VDR: variants seen among roughly 807,000 people sequenced by gnomAD.
VDR encodes vitamin D3 receptor.
In VDR, 19 loss-of-function variants were observed where a neutral mutation model predicts 39.7. That is an observed-to-expected ratio of 0.48 (90% CI 0.33 to 0.70). The LOEUF is 0.70. Ranked by LOEUF, VDR falls within the 30% of genes least tolerant of loss-of-function variation. The pLI, the probability that VDR is intolerant of heterozygous loss-of-function variation, is 0.02. For missense variants in VDR, 442 were observed against 570.5 expected, an observed-to-expected ratio of 0.77 and a Z score of 2.29; for synonymous variants, 242 against 215.8, an observed-to-expected ratio of 1.12 and a Z score of -1.07.
intron 9 of VDR, among the ~76,000 whole-genome samples, chr12:47,845,683 A>G (rs186188253): frequency 2.0e-5 from 3 of 152,280 alleles, no homozygotes; most frequent in Admixed American, 6.5e-5. Context: ...AATGAATGAG[A>G]GAAGGCTGGC....
chr12:47,846,117 G>T (rs1277886748), intron 9 of VDR, among the ~76,000 whole-genome samples: 1 of 152,174 alleles, frequency 6.6e-6, no homozygotes, highest in Non-Finnish European at 1.5e-5. Context: ...CCTACGAATC[G>T]CCTGCACACT....
At chr12:47,889,847 C>T (rs371814292) in intron 1 of VDR, among the ~76,000 whole-genome samples, 28 of 152,278 alleles carry the variant, frequency 1.8e-4, no homozygotes, top group Admixed American at 7.2e-4. Context: ...CTCAAGACAG[C>T]GGGAGAAAGC....
At chr12:47,848,717 C>A (rs895567003) in intron 7 of VDR, among the ~76,000 whole-genome samples, 4 of 152,022 alleles carry the variant, frequency 2.6e-5, no homozygotes, top group Non-Finnish European at 5.9e-5. Flanking sequence ...GAGGCACCTG[C>A]CACCACACTC....
intron 1 of VDR, among the ~76,000 whole-genome samples, chr12:47,904,349 C>T (rs2049518511): frequency 6.6e-6 from 1 of 151,216 alleles, no homozygotes; most frequent in African/African-American, 2.4e-5. Context: ...CTCCTTGAGC[C>T]CCTTCCTCAT....
chr12:47,881,778 G>C, intron 2 of VDR, among the ~76,000 whole-genome samples: 1 of 151,640 alleles, frequency 6.6e-6, no homozygotes, highest in East Asian at 1.9e-4. Flanking sequence ...AGTCCAAGCT[G>C]ATGCCTGCAG....
chr12:47,882,058 G>A (rs1946160279), intron 2 of VDR, among the ~76,000 whole-genome samples: 1 of 152,200 alleles, frequency 6.6e-6, no homozygotes, highest in Admixed American at 6.5e-5. Context: ...AGCATCACAT[G>A]GACTCATTTG....
At chr12:47,904,905 C>G (rs1221618731) in intron 1 of VDR, 50 bp downstream of exon 1, 1 of 298,516 alleles carries the variant, frequency 3.3e-6, no homozygotes, top group East Asian at 6.5e-5. Context: ...ACGCCCCGAC[C>G]CCGAGTCCCT....
Position 47,882,521 on chromosome 12 carries a change from C to G in VDR, c.-3+173G>C, listed in dbSNP as rs987597624. On this transcript the variant is annotated intron_variant, in intron 2 of 9. Transcript: ENST00000549336. Reference sequence around the variant, plus strand: ...CCTTCTCTGAACTCCCACCCGCACCCCACACACTCATGCATCTCAGTTGCA... The same window carrying G: ...CCTTCTCTGAACTCCCACCCGCACCGCACACACTCATGCATCTCAGTTGCA... The G allele has an allele frequency of 1.6e-4, 99 of 615,904 alleles. No individual in the cohort carries two copies. The Middle Eastern group carries it at 1.7e-3, about 10-fold the overall frequency. 38.2% of individuals were successfully genotyped at this position (615,904 alleles called of 1,614,324 possible).
At chr12:47,873,351 CTTTTTTTTTTTTT>C (rs71077177) in intron 3 of VDR, among the ~76,000 whole-genome samples, 7 of 98,420 alleles carry the variant, frequency 7.1e-5, no homozygotes, top group East Asian at 8.6e-4. Flanking sequence ...AACCTGTTTT[CTTTTTTTTTTTTT>C]TTTTTTTTTT....
At chr12:47,860,309 G>A (rs1354802402) in intron 4 of VDR, among the ~76,000 whole-genome samples, 1 of 152,160 alleles carries the variant, frequency 6.6e-6, no homozygotes, top group African/African-American at 2.4e-5. Flanking sequence ...GGCTAGACCG[G>A]AGGGGCTACC....
rs969988747 is a variant in VDR at position 47,889,981 on chromosome 12, GT to G, written c.-83-7208del. Among the ~76,000 whole-genome samples the G allele has an allele frequency of 1.9e-4, 28 of 148,864 alleles. No individual in the cohort carries two copies. The East Asian group carries it at 4.3e-3, about 23-fold the overall frequency. ...ACATAGGCCTGAGCCACGGTTTTTTGTTTTTTTTTTAATTGCACATCACTCC... is the reference window on the plus strand; with the variant it reads ...ACATAGGCCTGAGCCACGGTTTTTTGTTTTTTTTTAATTGCACATCACTCC... On this transcript the variant is annotated intron_variant, in intron 1 of 9. Transcript: ENST00000549336.
chr12:47,853,909 C>T (rs1016114184), intron 7 of VDR, among the ~76,000 whole-genome samples: 4 of 150,134 alleles, frequency 2.7e-5, no homozygotes, highest in East Asian at 1.9e-4. Context: ...GTGAAAAGAG[C>T]GAAACCGTCT....
At chr12:47,857,786 T>C in intron 4 of VDR, 98 bp from the exon 5 acceptor site, 1 of 1,377,950 alleles carries the variant, frequency 7.3e-7, no homozygotes, top group Non-Finnish European at 1.0e-6. Context: ...TAGGAGGGGC[T>C]TTAACACTCG....
At chr12:47,870,583 A>C (rs1205909262) in intron 3 of VDR, among the ~76,000 whole-genome samples, 2 of 152,150 alleles carry the variant, frequency 1.3e-5, no homozygotes, top group African/African-American at 4.8e-5. Context: ...GTTTATCAAA[A>C]CAGAAAGAGA....
intron 1 of VDR, among the ~76,000 whole-genome samples, chr12:47,892,979 C>T (rs185073597): frequency 1.3e-5 from 2 of 152,058 alleles, no homozygotes; most frequent in East Asian, 1.9e-4. Flanking sequence ...AAGCTGAGAG[C>T]GAAAGGGAAA....
At chr12:47,873,480 G>C (rs1472552686) in intron 3 of VDR, among the ~76,000 whole-genome samples, 2 of 143,732 alleles carry the variant, frequency 1.4e-5, no homozygotes, top group Non-Finnish European at 3.0e-5. Flanking sequence ...TCCTGCCTCA[G>C]CCTCCCGAGT....
At chr12:47,878,830 T>C in intron 3 of VDR, 138 bp downstream of exon 3, 1 of 1,370,568 alleles carries the variant, frequency 7.3e-7, no homozygotes. Context: ...ACCCTCCTGC[T>C]CCTGTGGCTG....
intron 1 of VDR, among the ~76,000 whole-genome samples, chr12:47,894,180 AG>A (rs1946421776): frequency 6.6e-6 from 1 of 152,234 alleles, no homozygotes; most frequent in Admixed American, 6.5e-5. Flanking sequence ...CCCAGGACAG[AG>A]GAGGAGCTAA....
At chr12:47,874,131 G>T (rs1490886108) in intron 3 of VDR, among the ~76,000 whole-genome samples, 1 of 152,068 alleles carries the variant, frequency 6.6e-6, no homozygotes. Context: ...AAATATTTTG[G>T]CCTCCTCTAC....
Sources: gnomAD v4.1 joint callset for allele counts (sites outside exome capture counted in the v4.1 genomes callset) on GRCh38, gnomAD v4.1.1 for gene constraint, MANE v1.5 for transcripts, NCBI Gene and HGNC (gene_info 2026-07-23, HGNC 2026-07-21) for gene names.